ANO2: variants seen among roughly 807,000 people sequenced by gnomAD.
ANO2 encodes the protein anoctamin 2, also known as anoctamin-2.
A neutral mutation model predicts 124.2 loss-of-function variants in ANO2; 101 were observed. The observed-to-expected ratio is 0.81, with a 90% confidence interval of 0.69 to 0.96. ANO2 has a LOEUF of 0.96. Ranked by LOEUF, ANO2 falls within the 40% of genes least tolerant of loss-of-function variation. The pLI, the probability that ANO2 is intolerant of heterozygous loss-of-function variation, is 0.00. For synonymous variants in ANO2, 486 were observed against 482.5 expected, an observed-to-expected ratio of 1.01 and a Z score of -0.09; for missense variants, 1,293 against 1,274.5, an observed-to-expected ratio of 1.01 and a Z score of -0.22.
At chr12:5,602,258 T>TC (rs974925118) in intron 19 of ANO2, among the ~76,000 whole-genome samples, 2 of 102,434 alleles carry the variant, frequency 2.0e-5, no homozygotes, top group Admixed American at 1.9e-4. Flanking sequence ...TAGGAACTCT[T>TC]TTTTTTTTTG....
At chr12:5,914,730 G>A (rs780350686) in intron 3 of ANO2, among the ~76,000 whole-genome samples, 3 of 152,168 alleles carry the variant, frequency 2.0e-5, no homozygotes, top group African/African-American at 7.2e-5. Flanking sequence ...CTGCCCACAA[G>A]GATGAAGCTT....
intron 7 of ANO2, among the ~76,000 whole-genome samples, chr12:5,809,338 A>C (rs1462482861): frequency 6.6e-6 from 1 of 151,968 alleles, no homozygotes; most frequent in Non-Finnish European, 1.5e-5. Context: ...CTAAAGCTAC[A>C]AAGTGCTGTA....
At chr12:5,914,946 G>C (rs1311199193) in intron 3 of ANO2, among the ~76,000 whole-genome samples, 1 of 152,120 alleles carries the variant, frequency 6.6e-6, no homozygotes, top group Admixed American at 6.5e-5. Flanking sequence ...GTTTCTTTAA[G>C]AGAGAGTGGG....
At chr12:5,898,564 C>T (rs1939953847) in intron 3 of ANO2, among the ~76,000 whole-genome samples, 1 of 152,180 alleles carries the variant, frequency 6.6e-6, no homozygotes, top group African/African-American at 2.4e-5. Flanking sequence ...ACGCATAAAC[C>T]ACTACTACAC....
chr12:5,913,287 G>A (rs372970391), intron 3 of ANO2, among the ~76,000 whole-genome samples: 1 of 152,242 alleles, frequency 6.6e-6, no homozygotes, highest in Admixed American at 6.5e-5. Context: ...TAAGAGTGAG[G>A]AAGACAGCGG....
At chr12:5,682,572 T>A (rs540597739) in intron 14 of ANO2, among the ~76,000 whole-genome samples, 2 of 152,160 alleles carry the variant, frequency 1.3e-5, no homozygotes, top group Non-Finnish European at 2.9e-5. Context: ...TCAGTTCCAA[T>A]GTCCTGGGAA....
At chr12:5,655,962 T>A (rs1860955) in intron 14 of ANO2, among the ~76,000 whole-genome samples, 91,021 of 151,856 alleles carry the variant, frequency 0.6, 28,699 homozygotes, top group East Asian at 0.96. Context: ...TGACAGAGAG[T>A]TCAAGTAAGT....
chr12:5,671,973 C>CCT (rs1948030567), intron 14 of ANO2, among the ~76,000 whole-genome samples: 1 of 152,146 alleles, frequency 6.6e-6, no homozygotes, highest in Non-Finnish European at 1.5e-5. Flanking sequence ...TCAGAAACTC[C>CCT]CTCTGGTGCC....
At chr12:5,808,540 G>A (rs1953279374) in intron 7 of ANO2, among the ~76,000 whole-genome samples, 1 of 151,946 alleles carries the variant, frequency 6.6e-6, no homozygotes, top group Admixed American at 6.5e-5. Context: ...AGGAGAGGGG[G>A]AATTTCTGGT....
intron 3 of ANO2, among the ~76,000 whole-genome samples, chr12:5,916,743 CT>C (rs1941404264): frequency 6.7e-6 from 1 of 150,084 alleles, no homozygotes; most frequent in Non-Finnish European, 1.5e-5. Flanking sequence ...AAACAAAACA[CT>C]GTATCTTTTC....
At chr12:5,597,079 G>T (rs1302721454) in intron 20 of ANO2, among the ~76,000 whole-genome samples, 1 of 152,044 alleles carries the variant, frequency 6.6e-6, no homozygotes, top group Non-Finnish European at 1.5e-5. Flanking sequence ...CCTCTTTGTT[G>T]TATTTTAATG....
chr12:5,768,666 C>A (rs1208163012), intron 10 of ANO2, among the ~76,000 whole-genome samples: 2 of 152,158 alleles, frequency 1.3e-5, no homozygotes, highest in African/African-American at 2.4e-5. Flanking sequence ...TTCTCATCAC[C>A]AGCCTGGCCA....
intron 10 of ANO2, among the ~76,000 whole-genome samples, chr12:5,788,648 T>C (rs1952610502): frequency 6.6e-6 from 1 of 152,162 alleles, no homozygotes. Context: ...AACCTCTGCC[T>C]CCAGGGTTCG....
chr12:5,687,799 G>C (rs1948767097), intron 14 of ANO2, among the ~76,000 whole-genome samples: 1 of 152,148 alleles, frequency 6.6e-6, no homozygotes, highest in Non-Finnish European at 1.5e-5. Flanking sequence ...TTCAGTATGT[G>C]GGGGAACAAG....
At chr12:5,827,877 T>A (rs1221256651) in intron 6 of ANO2, 57 bp from the exon 7 acceptor site, 15 of 1,561,660 alleles carry the variant, frequency 9.6e-6, no homozygotes, top group African/African-American at 1.4e-5. Flanking sequence ...CCCTCCACCG[T>A]GTGTCACCCT....
At chr12:5,827,730 G>C in intron 7 of ANO2, 39 bp downstream of exon 7, 1 of 1,593,126 alleles carries the variant, frequency 6.3e-7, no homozygotes, top group South Asian at 1.1e-5. Flanking sequence ...AGCCGCCTCA[G>C]CGCCCGTCAG....
At chr12:5,612,780 G>A in intron 18 of ANO2, 24 bp from the exon 19 acceptor site, 1 of 1,612,750 alleles carries the variant, frequency 6.2e-7, no homozygotes, top group Non-Finnish European at 8.5e-7. Context: ...ATAAGGAAAG[G>A]ACCGGTTAGA....
Position 5,628,086 on chromosome 12 carries a change from T to G in ANO2, c.1816+7066A>C, listed in dbSNP as rs949430281. The stretch of plus-strand genomic sequence containing the variant: ...CTGCACCCCAGTCGGGGCAACAGAG[T>G]GAGACCCTGTCTATTTTTGAAAAAA... On this transcript the variant is annotated intron_variant, in intron 16 of 24. Coordinates refer to ENST00000682330, the MANE Select transcript of ANO2 (RefSeq NM_001364791.2). 2.0e-5 allele frequency among the ~76,000 whole-genome samples: 3 copies of G among 152,054 alleles called. No individual in the cohort carries two copies. In the East Asian group the frequency reaches 5.8e-4, roughly 29 times the overall value.
chr12:5,849,765 C>T lies in ANO2; in HGVS notation c.633+4278G>A, dbSNP rs916133447. Reference sequence around the variant, plus strand: ...CCCCACCGAGTTATGATCCAAACCTCCACTGCCTGGAGGATGCTTAACTGA... The same window carrying T: ...CCCCACCGAGTTATGATCCAAACCTTCACTGCCTGGAGGATGCTTAACTGA... On this transcript the variant is annotated intron_variant, in intron 4 of 24. Coordinates refer to ENST00000682330, the MANE Select transcript of ANO2 (RefSeq NM_001364791.2). Among the ~76,000 whole-genome samples, 14 of 152,276 alleles carry T rather than the reference C, an allele frequency of 9.2e-5. No individual in the cohort carries two copies. The East Asian group carries it at 2.7e-3, about 29-fold the overall frequency.
Sources: gnomAD v4.1 joint callset for allele counts (sites outside exome capture counted in the v4.1 genomes callset) on GRCh38, gnomAD v4.1.1 for gene constraint, MANE v1.5 for transcripts, NCBI Gene and HGNC (gene_info 2026-07-23, HGNC 2026-07-21) for gene names.